Variants in MAPKAP1 observed in about 807,000 individuals in gnomAD.
The protein encoded by MAPKAP1 is MAPK associated protein 1, also known as target of rapamycin complex 2 subunit MAPKAP1.
A neutral mutation model predicts 65.7 loss-of-function variants in MAPKAP1; 20 were observed. The ratio of observed to expected loss-of-function variants is 0.30; its 90% confidence interval spans 0.21 to 0.44. The LOEUF is 0.44. Among genes scored for constraint, MAPKAP1 ranks in the 20% least tolerant of loss-of-function variants. The pLI, the probability that MAPKAP1 is intolerant of heterozygous loss-of-function variation, is 1.00. For synonymous variants in MAPKAP1, 222 were observed against 244.3 expected (o/e 0.91, Z 0.85); for missense variants, 423 against 648.0 (o/e 0.65, Z 3.77).
Position 125,447,375 on chromosome 9 carries a change from G to A in MAPKAP1, c.1346-2777C>T, listed in dbSNP as rs1402406561. The A allele has an allele frequency of 2.2e-6, 1 of 456,486 alleles. No homozygotes were observed. The highest frequency in any genetic ancestry group is 4.4e-6 in the Non-Finnish European group (1 of 226,948). The allele number at this position is 456,486 out of a possible 1,614,324, so 28.3% of individuals were successfully genotyped here. A position where few individuals can be genotyped will look rare whatever the true frequency, so the allele number is the denominator to read the frequency against. On this transcript the variant is annotated intron_variant, in intron 10 of 11. Coordinates refer to ENST00000265960, the MANE Select transcript of MAPKAP1 (RefSeq NM_001006617.3). The surrounding 1 kb of genome is among the most constrained non-coding windows in gnomAD (Gnocchi z 4.5). ...AGAGAACGTTCTGTGGAGCACTTGT[G>A]TTTGGACTTGAACAATGACACAGCT...
At chr9:125,658,291 C>G (rs1271444437) in intron 3 of MAPKAP1, among the ~76,000 whole-genome samples, 1 of 152,156 alleles carries the variant, frequency 6.6e-6, no homozygotes, top group East Asian at 1.9e-4. Context: ...TGTACAAACT[C>G]TTGATGCCAA....
intron 6 of MAPKAP1, among the ~76,000 whole-genome samples, chr9:125,556,625 C>A (rs1167807390): frequency 6.6e-6 from 1 of 152,172 alleles, no homozygotes; most frequent in African/African-American, 2.4e-5. Flanking sequence ...GTCTTCCCAG[C>A]CACTTCTTGT....
intron 5 of MAPKAP1, among the ~76,000 whole-genome samples, chr9:125,577,372 CGTCCGGGAGGGAGGTGGGGGGTCA>C (rs1831449455): frequency 1.3e-5 from 2 of 150,660 alleles, no homozygotes; most frequent in African/African-American, 4.9e-5. Context: ...GCAGCCACCC[CGTCCGGGAGGGAGGTGGGGGGTCA>C]GCCCCCCGCC....
intron 7 of MAPKAP1, among the ~76,000 whole-genome samples, chr9:125,515,794 AG>A (rs940137704): frequency 2.6e-5 from 4 of 152,208 alleles, no homozygotes; most frequent in Non-Finnish European, 5.9e-5. Context: ...AAGCCCAGCA[AG>A]GGGGCCGGCC....
intron 5 of MAPKAP1, 61 bp downstream of exon 5, chr9:125,585,494 G>A: frequency 6.4e-7 from 1 of 1,569,898 alleles, no homozygotes; most frequent in Middle Eastern, 1.7e-4. Context: ...CAGCCTAGAA[G>A]ACACCTTGGG....
At chr9:125,649,386 C>T (rs906673573) in intron 4 of MAPKAP1, among the ~76,000 whole-genome samples, 6 of 152,164 alleles carry the variant, frequency 3.9e-5, no homozygotes, top group South Asian at 4.1e-4. Context: ...TTAAATGACA[C>T]CTGGCATCTG....
chr9:125,690,397 A>C (rs1835131663), intron 1 of MAPKAP1, among the ~76,000 whole-genome samples: 1 of 152,254 alleles, frequency 6.6e-6, no homozygotes, highest in Non-Finnish European at 1.5e-5. Flanking sequence ...GGAATGGCAG[A>C]AGTTGAGAGA....
At chr9:125,454,239 CA>C (rs1853075052) in intron 10 of MAPKAP1, among the ~76,000 whole-genome samples, 1 of 152,166 alleles carries the variant, frequency 6.6e-6, no homozygotes, top group African/African-American at 2.4e-5. Flanking sequence ...AGTAAAATAC[CA>C]CACTGCATTT....
chr9:125,641,378 A>T (rs1564597353), intron 4 of MAPKAP1, among the ~76,000 whole-genome samples: 1 of 151,970 alleles, frequency 6.6e-6, no homozygotes, highest in Non-Finnish European at 1.5e-5. Flanking sequence ...TGGTTTTTAC[A>T]TTTTTTTTCA....
At chr9:125,528,140 G>A (rs564715203) in intron 7 of MAPKAP1, among the ~76,000 whole-genome samples, 1 of 152,302 alleles carries the variant, frequency 6.6e-6, no homozygotes, top group East Asian at 1.9e-4. Context: ...AGGAAAAGCG[G>A]GGGCTCTCAT....
chr9:125,589,871 C>T (rs185684261), intron 4 of MAPKAP1, among the ~76,000 whole-genome samples: 5 of 152,308 alleles, frequency 3.3e-5, no homozygotes, highest in Non-Finnish European at 4.4e-5. Flanking sequence ...TGCAAACACA[C>T]GTGGGCAAGC....
At chr9:125,677,121 C>T (rs998903488) in intron 1 of MAPKAP1, among the ~76,000 whole-genome samples, 1 of 152,082 alleles carries the variant, frequency 6.6e-6, no homozygotes, top group Admixed American at 6.6e-5. Flanking sequence ...TGGATGTTAC[C>T]AACTCTTGAT....
rs1831767279 is a variant in MAPKAP1 at position 125,585,837 on chromosome 9, C to T, written c.499-110G>A. 7 of 998,316 alleles carry T rather than the reference C, an allele frequency of 7.0e-6. No individual in the cohort carries two copies. The Admixed American group carries it at 7.4e-5, about 11-fold the overall frequency. The allele number at this position is 998,316 out of a possible 1,614,324, so 61.8% of individuals were successfully genotyped here. A position where few individuals can be genotyped will look rare whatever the true frequency, so the allele number is the denominator to read the frequency against. ...CCATTTTTCATCCTTGCTCTACAGA[C>T]CTACTGTGACCATGGAATGGTCCCA... is the stretch of plus-strand genomic sequence containing the variant. On this transcript the variant is annotated intron_variant, in intron 4 of 11. Coordinates refer to ENST00000265960, the MANE Select transcript of MAPKAP1 (RefSeq NM_001006617.3).
At chr9:125,536,470 C>G (rs1021244752) in intron 7 of MAPKAP1, among the ~76,000 whole-genome samples, 1 of 152,188 alleles carries the variant, frequency 6.6e-6, no homozygotes, top group Non-Finnish European at 1.5e-5. Flanking sequence ...TCCTATTCAT[C>G]CCCTATGCAT....
At chr9:125,462,856 G>C (rs984063813) in intron 10 of MAPKAP1, among the ~76,000 whole-genome samples, 1 of 152,212 alleles carries the variant, frequency 6.6e-6, no homozygotes, top group African/African-American at 2.4e-5. Flanking sequence ...CTTCTAGCCA[G>C]TATGAATTCT....
At chr9:125,556,263 G>A (rs1449103176) in intron 6 of MAPKAP1, among the ~76,000 whole-genome samples, 1 of 152,214 alleles carries the variant, frequency 6.6e-6, no homozygotes, top group East Asian at 1.9e-4. Context: ...GCTAGGATCG[G>A]CATCCAAGCG....
chr9:125,587,678 T>C (rs554296245), intron 4 of MAPKAP1, among the ~76,000 whole-genome samples: 1 of 152,314 alleles, frequency 6.6e-6, no homozygotes, highest in African/African-American at 2.4e-5. Flanking sequence ...ATATATCTCA[T>C]AAGGCTCTAC....
chr9:125,706,616 A>C (rs889483036), intron 1 of MAPKAP1, among the ~76,000 whole-genome samples: 1 of 152,032 alleles, frequency 6.6e-6, no homozygotes, highest in Non-Finnish European at 1.5e-5. Context: ...GACGCAAGGA[A>C]ACAAGGACCA....
chr9:125,506,794 A>G (rs1257478307), intron 7 of MAPKAP1, among the ~76,000 whole-genome samples: 1 of 152,220 alleles, frequency 6.6e-6, no homozygotes, highest in Non-Finnish European at 1.5e-5. Context: ...ATCAGAGGTG[A>G]TGTAGGAAAA....
Sources: allele counts gnomAD v4.1 joint callset (sites outside exome capture counted in the v4.1 genomes callset), GRCh38; gene constraint gnomAD v4.1.1; non-coding constraint Gnocchi (gnomAD v3.1); transcripts MANE v1.5; gene names NCBI Gene and HGNC (gene_info 2026-07-23, HGNC 2026-07-21).